The following FAM204A variants were observed in gnomAD, a reference collection of about 807,000 sequenced individuals.
FAM204A encodes family with sequence similarity 204 member A.
A neutral mutation model predicts 35.4 loss-of-function variants in FAM204A; 16 were observed. The observed-to-expected ratio is 0.45, with a 90% CI of 0.31 to 0.69. The LOEUF (loss-of-function observed/expected upper bound fraction) is 0.69. FAM204A is among the 30% of genes least tolerant of loss of function. FAM204A has a pLI of 0.07. For missense variants in FAM204A, 240 were observed against 265.7 expected, an observed-to-expected ratio of 0.90 and a Z score of 0.67; for synonymous variants, 76 against 86.9, an observed-to-expected ratio of 0.88 and a Z score of 0.70.
At position 118,328,150 on chromosome 10, in the gene FAM204A, C is replaced by T. The variant is rs576879305; in HGVS notation, c.454-1907G>A. Among the ~76,000 whole-genome samples the T allele has an allele frequency of 9.2e-5, 14 of 152,188 alleles. No individual in the cohort carries two copies. In the South Asian group the frequency reaches 1.5e-3, roughly 16 times the overall value. On this transcript the variant is annotated intron_variant, in intron 6 of 8. Coordinates refer to ENST00000369183, the MANE Select transcript of FAM204A (RefSeq NM_022063.3). ...TGTTATAGACATTGCCTGAAAGTTC[C>T]GCCTCCACAACTTCATAATCTAGAA...
In FAM204A at chr10:118,310,716, G is replaced by C; in HGVS notation, c.*141C>G. ...AAAGTCCTTAAAGAAAGACTGAAAA[G>C]AGCTGATAATCAAAATCCCAAATTT... On this transcript the variant is annotated 3_prime_UTR_variant, in exon 9 of 9. Coordinates refer to ENST00000369183, the MANE Select transcript of FAM204A (RefSeq NM_022063.3). The C allele has an allele frequency of 1.5e-6, 1 of 685,308 alleles. No homozygotes were observed. Among genetic ancestry groups the C allele is most frequent in the Non-Finnish European group, 2.5e-6 (1 of 394,422 alleles). 42.5% of individuals were successfully genotyped at this position (685,308 alleles called of 1,614,324 possible).
At chr10:118,314,371 T>A (rs1214996896) in intron 7 of FAM204A, among the ~76,000 whole-genome samples, 2 of 152,242 alleles carry the variant, frequency 1.3e-5, no homozygotes, top group African/African-American at 4.8e-5. Flanking sequence ...TGATGAAAAC[T>A]CATAGCCTTT....
intron 7 of FAM204A, among the ~76,000 whole-genome samples, chr10:118,316,713 T>C (rs1846036538): frequency 1.3e-5 from 2 of 152,258 alleles, no homozygotes; most frequent in South Asian, 4.1e-4. Flanking sequence ...ACAAATATCT[T>C]TTATATGTGT....
At chr10:118,317,033 G>A (rs1846043199) in intron 7 of FAM204A, among the ~76,000 whole-genome samples, 2 of 152,100 alleles carry the variant, frequency 1.3e-5, no homozygotes. Context: ...TTAAAGAACT[G>A]TAGTACTGTT....
intron 7 of FAM204A, among the ~76,000 whole-genome samples, chr10:118,324,090 T>C (rs2133278844): frequency 6.6e-6 from 1 of 152,248 alleles, no homozygotes; most frequent in Admixed American, 6.5e-5. Flanking sequence ...TTTATTAAAA[T>C]GAGATACCTG....
intron 7 of FAM204A, among the ~76,000 whole-genome samples, chr10:118,324,868 A>AT (rs1239657944): frequency 6.6e-6 from 1 of 152,166 alleles, no homozygotes; most frequent in Non-Finnish European, 1.5e-5. Flanking sequence ...TAAAAACCTT[A>AT]TATAAAATGT....
intron 2 of FAM204A, among the ~76,000 whole-genome samples, chr10:118,339,541 G>A (rs943266660): frequency 1.1e-4 from 17 of 152,126 alleles, no homozygotes; most frequent in Admixed American, 9.2e-4. Context: ...CTCCAGAAAC[G>A]TGGAATATCA....
chr10:118,300,803 A>G lies in FAM204A; in HGVS notation c.*10054T>C, dbSNP rs950587494. 4 of 152,186 alleles carry G rather than the reference A, an allele frequency of 2.6e-5. No homozygotes were observed. The highest frequency in any genetic ancestry group is 1.9e-4 in the East Asian group (1 of 5,190). 9.4% of individuals were successfully genotyped at this position (152,186 alleles called of 1,614,324 possible). A position where few individuals can be genotyped will look rare whatever the true frequency, so the allele number is the denominator to read the frequency against. On this transcript the variant is annotated 3_prime_UTR_variant, in exon 9 of 9. Transcript: ENST00000369183. ...TACAGTACTGGGGCCTTACTTCCCT[A>G]AAGACCCAGGGAGGGGAGAGAAAGT...
Position 118,335,208 on chromosome 10 carries a change from G to A in FAM204A, c.359C>T (p.Pro120Leu), listed in dbSNP as rs370791932. ...TTTCCACTGGGTTTCATTTGAGGAC[G>A]GTTCACTAAAAGAAGATAGTAAGTT... ...LKNEKELHSEPSSNETQWKEL... is the reference protein window; with the variant it reads ...LKNEKELHSELSSNETQWKEL... Residue 120 changes from proline to leucine, a missense_variant, in exon 6 of 9, where the codon CCG (proline) becomes CTG (leucine). Coordinates refer to ENST00000369183, the MANE Select transcript of FAM204A (RefSeq NM_022063.3). 19 of 1,611,914 alleles carry A rather than the reference G, an allele frequency of 1.2e-5. No homozygotes were observed. The African/African-American group carries it at 1.2e-4, about 10-fold the overall frequency.
At position 118,301,232 on chromosome 10, in the gene FAM204A, C is replaced by T. The variant is rs1254194305; in HGVS notation, c.*9625G>A. The T allele has an allele frequency of 2.0e-5, 3 of 152,126 alleles. No individual in the cohort carries two copies. Among genetic ancestry groups the T allele is most frequent in the African/African-American group, 7.2e-5 (3 of 41,438 alleles). The allele number at this position is 152,126 out of a possible 1,614,324, so 9.4% of individuals were successfully genotyped here. A position where few individuals can be genotyped will look rare whatever the true frequency, so the allele number is the denominator to read the frequency against. ...ATAACAACATTAGTACTAACAAACA[C>T]TTACACACTTTCACAGAATTGTCAA... On this transcript the variant is annotated 3_prime_UTR_variant, in exon 9 of 9. Coordinates refer to ENST00000369183, the MANE Select transcript of FAM204A (RefSeq NM_022063.3).
chr10:118,321,606 T>C (rs1241209574), intron 7 of FAM204A, among the ~76,000 whole-genome samples: 3 of 151,644 alleles, frequency 2.0e-5, no homozygotes, highest in African/African-American at 4.8e-5. Flanking sequence ...GAAAATCTCA[T>C]GTATTTCTGA....
intron 7 of FAM204A, among the ~76,000 whole-genome samples, chr10:118,323,268 C>G (rs1846147636): frequency 1.3e-5 from 2 of 152,064 alleles, no homozygotes; most frequent in African/African-American, 4.8e-5. Context: ...ACTCTATGTC[C>G]CTGCTGGTTT....
intron 2 of FAM204A, among the ~76,000 whole-genome samples, chr10:118,339,765 C>T (rs543719101): frequency 6.7e-6 from 1 of 149,160 alleles, no homozygotes; most frequent in Non-Finnish European, 1.5e-5. Flanking sequence ...CACCCTCCAC[C>T]TCTAGAGTTA....
intron 6 of FAM204A, chr10:118,326,487 A>C (rs1372061478): frequency 8.6e-6 from 4 of 466,260 alleles, no homozygotes; most frequent in Non-Finnish European, 1.5e-5. Flanking sequence ...ATTTTTGTGA[A>C]TCAAAGCCTA....
Position 118,298,217 on chromosome 10 carries a change from T to G in FAM204A, c.*12640A>C, listed in dbSNP as rs1051885732. 2 of 152,196 alleles carry G rather than the reference T, an allele frequency of 1.3e-5. No individual in the cohort carries two copies. The highest frequency in any genetic ancestry group is 4.8e-5 in the African/African-American group (2 of 41,444). 9.4% of individuals were successfully genotyped at this position (152,196 alleles called of 1,614,324 possible). A position where few individuals can be genotyped will look rare whatever the true frequency, so the allele number is the denominator to read the frequency against. ...AACCCATCTACTTTCCTTGAATCTC[T>G]TCCTAGACAGGCCCCCTGAGCCAGA... On this transcript the variant is annotated 3_prime_UTR_variant, in exon 9 of 9. Transcript: ENST00000369183.
intron 7 of FAM204A, among the ~76,000 whole-genome samples, chr10:118,323,860 T>C (rs576621124): frequency 6.6e-5 from 10 of 152,244 alleles, no homozygotes; most frequent in African/African-American, 2.2e-4. Context: ...TAAAAGACTT[T>C]CTATGGAAAT....
rs1346840178 is a variant in FAM204A, at chr10:118,298,785, C to T, written c.*12072G>A. 1 of 152,138 alleles carries T rather than the reference C, an allele frequency of 6.6e-6. No individual in the cohort carries two copies. The highest frequency in any genetic ancestry group is 1.5e-5 in the Non-Finnish European group (1 of 68,026). The allele number at this position is 152,138 out of a possible 1,614,324, so 9.4% of individuals were successfully genotyped here. On this transcript the variant is annotated 3_prime_UTR_variant, in exon 9 of 9. Coordinates refer to ENST00000369183, the MANE Select transcript of FAM204A (RefSeq NM_022063.3). ...AACTGTCACTATCTTCGGCATCCAC[C>T]CAAGAGTGATCTAACCTTTGCAAAG...
chr10:118,336,047 C>T, intron 3 of FAM204A, 135 bp downstream of exon 3: 2 of 1,003,044 alleles, frequency 2.0e-6, no homozygotes, highest in Non-Finnish European at 2.9e-6. Context: ...CCTCAGAGAA[C>T]AGTAAAAGCA....
Position 118,336,228 on chromosome 10 carries a change from T to A in FAM204A, c.188A>T (p.Asn63Ile). 6.2e-6 allele frequency: 10 copies of A among 1,613,912 alleles called. No individual in the cohort carries two copies. The highest frequency in any genetic ancestry group is 8.5e-6 in the Non-Finnish European group (10 of 1,179,810). The stretch of plus-strand genomic sequence containing the variant: ...TCCAGAAGGACACTCTTCATAGGCA[T>A]TTACATTTGACTCTGTTTCAGTTTT... ...EPKTETESNV[N>I]AYEECPSGIP... The change falls in exon 3 of 9, where the codon AAT (asparagine) becomes ATT (isoleucine). Residue 63 changes from asparagine to isoleucine, a missense_variant. Asn to Ile is a moderately radical substitution (Grantham distance 149, BLOSUM62 -3). Around this residue, in one of 2 missense-constraint regions of FAM204A, gnomAD observed 232 missense variants for 242.8 expected, o/e 0.96. Coordinates refer to ENST00000369183, the MANE Select transcript of FAM204A (RefSeq NM_022063.3).
Sources: gnomAD v4.1 joint callset for allele counts (sites outside exome capture counted in the v4.1 genomes callset) on GRCh38, gnomAD v4.1.1 for gene constraint, gnomAD v4.1.1 regional missense constraint, MANE v1.5 for transcripts, NCBI Gene and HGNC (gene_info 2026-07-23, HGNC 2026-07-21) for gene names.